Variants in ATP8A2 observed in about 807,000 individuals in gnomAD.
ATP8A2 encodes phospholipid-transporting ATPase IB.
In ATP8A2, 100 loss-of-function variants were observed where a neutral mutation model predicts 165.6. The ratio of observed to expected loss-of-function variants is 0.60; its 90% CI spans 0.51 to 0.71. ATP8A2 has a LOEUF of 0.71. Among genes scored for constraint, ATP8A2 ranks in the 30% least tolerant of loss-of-function variants. ATP8A2 has a pLI of 0.00. For missense variants in ATP8A2, 1,227 were observed against 1,479.5 expected, an observed-to-expected ratio of 0.83 and a Z score of 2.80; for synonymous variants, 543 against 548.8, an observed-to-expected ratio of 0.99 and a Z score of 0.15.
At chr13:25,849,194 G>C (rs543067867) in intron 30 of ATP8A2, among the ~76,000 whole-genome samples, 2 of 152,322 alleles carry the variant, frequency 1.3e-5, no homozygotes, top group South Asian at 2.1e-4. Flanking sequence ...CTCTACCTCA[G>C]TTCTCCCTCC....
intron 2 of ATP8A2, among the ~76,000 whole-genome samples, chr13:25,525,498 TG>T (rs1285611685): frequency 2.6e-5 from 4 of 152,304 alleles, no homozygotes; most frequent in Admixed American, 2.6e-4. Context: ...GATCTGGTGA[TG>T]GTAAATTTTC....
At chr13:25,598,231 C>T (rs1374430530) in intron 24 of ATP8A2, among the ~76,000 whole-genome samples, 2 of 152,106 alleles carry the variant, frequency 1.3e-5, no homozygotes, top group Non-Finnish European at 2.9e-5. Context: ...GTATGTATCC[C>T]TCTTTGTGCC....
intron 33 of ATP8A2, among the ~76,000 whole-genome samples, chr13:25,875,407 A>G (rs1296200240): frequency 1.3e-5 from 2 of 151,760 alleles, no homozygotes; most frequent in East Asian, 3.9e-4. Context: ...AAATGAAGGA[A>G]TTCATAACAT....
intron 1 of ATP8A2, among the ~76,000 whole-genome samples, chr13:25,422,782 G>A (rs563306823): frequency 6.6e-6 from 1 of 152,322 alleles, no homozygotes; most frequent in African/African-American, 2.4e-5. Context: ...TTACATAATT[G>A]TTTGAAATAG....
At chr13:25,896,731 T>A (rs1336784628) in intron 33 of ATP8A2, among the ~76,000 whole-genome samples, 1 of 152,192 alleles carries the variant, frequency 6.6e-6, no homozygotes, top group African/African-American at 2.4e-5. Flanking sequence ...ATTGGGTGCA[T>A]ATATATTTAG....
intron 24 of ATP8A2, among the ~76,000 whole-genome samples, chr13:25,601,398 G>A (rs2040382435): frequency 6.6e-6 from 1 of 152,204 alleles, no homozygotes; most frequent in Non-Finnish European, 1.5e-5. Context: ...TATGATGAAG[G>A]CTTTTTTGGG....
intron 24 of ATP8A2, among the ~76,000 whole-genome samples, chr13:25,634,774 C>G (rs1254885372): frequency 6.6e-6 from 1 of 152,094 alleles, no homozygotes; most frequent in Non-Finnish European, 1.5e-5. Context: ...TAAATCTGTT[C>G]AAGTTTATTC....
chr13:25,450,611 A>G lies in ATP8A2; in HGVS notation c.77-18366A>G, dbSNP rs573617420. Among the ~76,000 whole-genome samples the G allele has an allele frequency of 1.7e-3, 253 of 151,812 alleles. 2 individuals carry two copies. In the Middle Eastern group the frequency reaches 0.017, roughly 10 times the overall value. ...CAGTGGTGTGATCTCGGCTCACTGC[A>G]AGCTCCGCCTCCCGGGTTCACGCCA... On this transcript the variant is annotated intron_variant, in intron 1 of 36. Coordinates refer to ENST00000381655, the MANE Select transcript of ATP8A2 (RefSeq NM_016529.6).
At chr13:25,903,750 C>T (rs941956985) in intron 33 of ATP8A2, among the ~76,000 whole-genome samples, 2 of 152,134 alleles carry the variant, frequency 1.3e-5, no homozygotes, top group African/African-American at 4.8e-5. Flanking sequence ...CCTCAGTGGA[C>T]CGACATCGAC....
At chr13:25,463,258 G>T (rs2035553507) in intron 1 of ATP8A2, among the ~76,000 whole-genome samples, 1 of 151,552 alleles carries the variant, frequency 6.6e-6, no homozygotes, top group African/African-American at 2.4e-5. Context: ...TGGAGTGAAG[G>T]ATTTTGTTTC....
chr13:25,837,083 G>GTC, intron 28 of ATP8A2, 80 bp from the exon 29 acceptor site: 1 of 1,545,630 alleles, frequency 6.5e-7, no homozygotes, highest in Non-Finnish European at 8.8e-7. Context: ...TGGAAGTGAA[G>GTC]TCATCATTTG....
At chr13:25,976,599 C>T (rs975416201) in intron 35 of ATP8A2, among the ~76,000 whole-genome samples, 3 of 151,932 alleles carry the variant, frequency 2.0e-5, no homozygotes, top group East Asian at 1.9e-4. Context: ...GGTGAAGCTG[C>T]GTGCAAAATC....
At chr13:25,838,124 A>T (rs981332089) in intron 29 of ATP8A2, among the ~76,000 whole-genome samples, 1 of 151,980 alleles carries the variant, frequency 6.6e-6, no homozygotes, top group Non-Finnish European at 1.5e-5. Flanking sequence ...TGCACAGTTC[A>T]CCTCCTGTGC....
At chr13:25,783,830 G>A (rs553664846) in intron 27 of ATP8A2, among the ~76,000 whole-genome samples, 14 of 152,254 alleles carry the variant, frequency 9.2e-5, no homozygotes, top group African/African-American at 3.1e-4. Context: ...ATTATGCTGC[G>A]GTTTTATATT....
intron 24 of ATP8A2, among the ~76,000 whole-genome samples, chr13:25,683,312 C>T (rs1294380051): frequency 2.6e-5 from 4 of 152,194 alleles, no homozygotes; most frequent in African/African-American, 9.6e-5. Flanking sequence ...TACATCACCA[C>T]TGTCCCTGTG....
chr13:25,587,397 A>C (rs1329373866), intron 23 of ATP8A2, among the ~76,000 whole-genome samples: 1 of 152,144 alleles, frequency 6.6e-6, no homozygotes, highest in Non-Finnish European at 1.5e-5. Context: ...AATTCATGAA[A>C]GTGTCAGTAG....
intron 2 of ATP8A2, among the ~76,000 whole-genome samples, chr13:25,490,290 C>T (rs1327050612): frequency 1.3e-5 from 2 of 152,236 alleles, no homozygotes; most frequent in Admixed American, 1.3e-4. Flanking sequence ...GGGTGCTTCA[C>T]TCTTCACAGG....
At position 26,012,619 on chromosome 13, in the gene ATP8A2, C is replaced by T. The variant is rs777515198; in HGVS notation, c.3466C>T (p.Pro1156Ser). 4 of 1,485,006 alleles carry T rather than the reference C, an allele frequency of 2.7e-6. No homozygotes were observed. Among genetic ancestry groups the T allele is most frequent in the Non-Finnish European group, 8.9e-7 (1 of 1,117,496 alleles). 92.0% of individuals were successfully genotyped at this position (1,485,006 alleles called of 1,614,324 possible). The change falls in exon 36 of 37, where the codon CCG (proline) becomes TCG (serine). Residue 1156 changes from proline to serine, a missense_variant. Coordinates refer to ENST00000381655, the MANE Select transcript of ATP8A2 (RefSeq NM_016529.6). ...GGGCAGCTCCCTGCAGCAGGGCGTC[C>T]CGCGTGAGTACCGCGGGCGGGGGCT... ...FRGSSLQQGV[P>S]HGYAFSQEEH...
chr13:25,532,998 C>CT (rs1056390387), intron 5 of ATP8A2, among the ~76,000 whole-genome samples: 16 of 151,194 alleles, frequency 1.1e-4, no homozygotes, highest in Admixed American at 2.0e-4. Context: ...GAACAGCAGG[C>CT]TTTTTTTTTC....
Sources: allele counts gnomAD v4.1 joint callset (sites outside exome capture counted in the v4.1 genomes callset), GRCh38; gene constraint gnomAD v4.1.1; transcripts MANE v1.5; gene names NCBI Gene and HGNC (gene_info 2026-07-23, HGNC 2026-07-21).